ZNF407: variants seen among roughly 807,000 people sequenced by gnomAD.
ZNF407 encodes the protein zinc finger protein 407.
In ZNF407, 17 loss-of-function variants were observed where a neutral mutation model predicts 131.2. That is an observed-to-expected ratio of 0.13 (90% confidence interval 0.09 to 0.19). The LOEUF (loss-of-function observed/expected upper bound fraction) is 0.19, where lower values mean the gene tolerates loss of function less well. Ranked by LOEUF, ZNF407 falls within the 10% of genes least tolerant of loss-of-function variation. The pLI is 1.00. For synonymous variants in ZNF407, 1,156 were observed against 1,062.0 expected, an observed-to-expected ratio of 1.09 and a Z score of -1.72; for missense variants, 2,681 against 2,830.6, an observed-to-expected ratio of 0.95 and a Z score of 1.20.
At chr18:74,816,988 G>GTTATT (rs911564168) in intron 4 of ZNF407, among the ~76,000 whole-genome samples, 4 of 151,990 alleles carry the variant, frequency 2.6e-5, no homozygotes, top group African/African-American at 9.7e-5. Context: ...AAATCTTGTT[G>GTTATT]TTATTTTATG....
At chr18:74,606,967 C>T (rs1475374816) in intron 1 of ZNF407, among the ~76,000 whole-genome samples, 2 of 152,180 alleles carry the variant, frequency 1.3e-5, no homozygotes, top group Non-Finnish European at 2.9e-5. Context: ...GGAATGACTG[C>T]TACCGTAGGG....
intron 3 of ZNF407, among the ~76,000 whole-genome samples, chr18:74,768,347 G>GATGTCTGCTGCATTAC (rs1474376805): frequency 6.6e-5 from 10 of 152,316 alleles, no homozygotes; most frequent in Admixed American, 5.2e-4. Flanking sequence ...TTGACTCATT[G>GATGTCTGCTGCATTAC]ATGTCTGCTG....
chr18:74,687,739 A>G (rs925768292), intron 3 of ZNF407, among the ~76,000 whole-genome samples: 21 of 152,328 alleles, frequency 1.4e-4, no homozygotes, highest in African/African-American at 4.8e-4. Context: ...CTCATTTATT[A>G]CAAAGTCAAT....
chr18:74,816,800 CAATA>C (rs1220535836), intron 4 of ZNF407, among the ~76,000 whole-genome samples: 2 of 151,974 alleles, frequency 1.3e-5, no homozygotes, highest in Non-Finnish European at 2.9e-5. Flanking sequence ...ATATTTGCGT[CAATA>C]AAGACATGAA....
chr18:74,894,598 G>A (rs1793496552), intron 7 of ZNF407, among the ~76,000 whole-genome samples: 1 of 151,908 alleles, frequency 6.6e-6, no homozygotes, highest in South Asian at 2.1e-4. Context: ...GGCCTCAACT[G>A]GGCTTTTGTT....
chr18:74,845,357 G>A (rs1308657790), intron 4 of ZNF407, among the ~76,000 whole-genome samples: 1 of 152,164 alleles, frequency 6.6e-6, no homozygotes, highest in Non-Finnish European at 1.5e-5. Flanking sequence ...GAGAGATAGC[G>A]AGAATTAGCT....
At chr18:74,681,416 A>T (rs570257926) in intron 3 of ZNF407, among the ~76,000 whole-genome samples, 2 of 151,744 alleles carry the variant, frequency 1.3e-5, no homozygotes, top group Non-Finnish European at 2.9e-5. Context: ...CTAAGTTTTA[A>T]ATTTTTGGTA....
chr18:74,743,387 A>G (rs1186288800), intron 3 of ZNF407, among the ~76,000 whole-genome samples: 1 of 151,952 alleles, frequency 6.6e-6, no homozygotes, highest in Non-Finnish European at 1.5e-5. Flanking sequence ...GTGTATTTTC[A>G]TGTACACAAG....
chr18:75,047,723 C>T (rs1019382716), intron 8 of ZNF407, among the ~76,000 whole-genome samples: 4 of 152,230 alleles, frequency 2.6e-5, no homozygotes, highest in Non-Finnish European at 5.9e-5. Flanking sequence ...CGTACAAGCA[C>T]AGTAATCAAA....
At chr18:74,877,758 C>T (rs1971179798) in intron 5 of ZNF407, among the ~76,000 whole-genome samples, 1 of 152,106 alleles carries the variant, frequency 6.6e-6, no homozygotes, top group African/African-American at 2.4e-5. Flanking sequence ...AAACGAATTT[C>T]CATAGTATGT....
rs190441317 is a variant in ZNF407 at position 74,999,630 on chromosome 18, A to C, written c.5429-63520A>C. 2.0e-3 allele frequency among the ~76,000 whole-genome samples: 298 copies of C among 152,348 alleles called. 1 individual carries two copies. Among genetic ancestry groups the C allele is most frequent in the African/African-American group, 6.9e-3 (285 of 41,584 alleles). On this transcript the variant is annotated intron_variant, in intron 8 of 8. Coordinates refer to ENST00000299687, the MANE Select transcript of ZNF407 (RefSeq NM_017757.3). ...GTATTGAAGAATAACAGTGAACTCA[A>C]ATCTCATAAAGATTGCTGATAGTGT...
At chr18:74,925,500 T>C (rs1971901783) in intron 8 of ZNF407, among the ~76,000 whole-genome samples, 1 of 152,240 alleles carries the variant, frequency 6.6e-6, no homozygotes, top group Admixed American at 6.5e-5. Flanking sequence ...TATTCAAATT[T>C]CCTACATAAA....
chr18:74,856,823 A>G (rs555848141), intron 4 of ZNF407, among the ~76,000 whole-genome samples: 49 of 152,332 alleles, frequency 3.2e-4, no homozygotes, highest in African/African-American at 1.0e-3. Flanking sequence ...TTTTCATCTG[A>G]TGTCAGGCTT....
chr18:74,862,313 G>A (rs560267416), intron 4 of ZNF407, among the ~76,000 whole-genome samples: 29 of 152,188 alleles, frequency 1.9e-4, no homozygotes, highest in Admixed American at 3.3e-4. Flanking sequence ...ACGTTGGATC[G>A]AGTGTGGCAC....
chr18:74,670,093 A>G (rs1470845759), intron 3 of ZNF407, among the ~76,000 whole-genome samples: 2 of 152,206 alleles, frequency 1.3e-5, no homozygotes, highest in Non-Finnish European at 2.9e-5. Context: ...GATAGGAACC[A>G]AGTAACATGT....
At chr18:74,894,495 T>A (rs1385242576) in intron 7 of ZNF407, among the ~76,000 whole-genome samples, 1 of 152,154 alleles carries the variant, frequency 6.6e-6, no homozygotes, top group African/African-American at 2.4e-5. Flanking sequence ...AAATTCCTAC[T>A]TTCCAAAACA....
intron 3 of ZNF407, among the ~76,000 whole-genome samples, chr18:74,766,516 A>T (rs1015662227): frequency 1.3e-5 from 2 of 152,154 alleles, no homozygotes; most frequent in African/African-American, 4.8e-5. Context: ...TCATACTGGT[A>T]TTTCTCTGCT....
At chr18:74,625,397 T>C (rs986772434) in intron 1 of ZNF407, among the ~76,000 whole-genome samples, 16 of 151,972 alleles carry the variant, frequency 1.1e-4, no homozygotes, top group African/African-American at 3.9e-4. Context: ...CCCTAAGTAA[T>C]GTGGTGGTGT....
chr18:74,650,923 A>G (rs560062235), intron 3 of ZNF407, among the ~76,000 whole-genome samples: 28 of 151,370 alleles, frequency 1.8e-4, no homozygotes, highest in Non-Finnish European at 3.8e-4. Flanking sequence ...ATTGCTATAT[A>G]TGTGTGTGTG....
Sources: allele counts gnomAD v4.1 joint callset (sites outside exome capture counted in the v4.1 genomes callset), GRCh38; gene constraint gnomAD v4.1.1; transcripts MANE v1.5; gene names NCBI Gene and HGNC (gene_info 2026-07-23, HGNC 2026-07-21).